The following GALNT13 variants were observed in gnomAD, a reference collection of about 807,000 sequenced individuals.
GALNT13 encodes UDP-GalNAc:polypeptide N-acetylgalactosaminyltransferase 13.
Under a neutral mutation model 64.2 loss-of-function variants are expected in GALNT13, and 28 were observed. That is an observed-to-expected ratio of 0.44 (90% CI 0.32 to 0.60). The LOEUF is 0.60. Ranked by LOEUF, GALNT13 falls within the 20% of genes least tolerant of loss-of-function variation. The probability of loss-of-function intolerance (pLI) is 0.05; values close to 1 mark genes in which losing one functional copy is unlikely to be tolerated. For missense variants in GALNT13, 577 were observed against 669.8 expected (o/e 0.86, Z 1.53); for synonymous variants, 214 against 224.6 (o/e 0.95, Z 0.42).
chr2:153,290,753 G>A, the GALNT13 span, among the ~76,000 whole-genome samples: 1 of 152,114 alleles, frequency 6.6e-6, no homozygotes. Flanking sequence ...ACCTTGCATG[G>A]AGTAGTGTTT....
chr2:154,125,335 A>G (rs1242587764), intron 3 of GALNT13, among the ~76,000 whole-genome samples: 1 of 152,166 alleles, frequency 6.6e-6, no homozygotes, highest in African/African-American at 2.4e-5. Context: ...CTAAGATGCA[A>G]GAAATAAAGG....
the GALNT13 span, among the ~76,000 whole-genome samples, chr2:153,659,022 G>T: frequency 6.6e-5 from 10 of 151,912 alleles, no homozygotes; most frequent in Admixed American, 1.3e-4. Context: ...TACACTATTT[G>T]TTTCTATAAA....
chr2:153,971,444 C>A (rs1205650103), intron 3 of GALNT13, among the ~76,000 whole-genome samples: 1 of 152,106 alleles, frequency 6.6e-6, no homozygotes, highest in Non-Finnish European at 1.5e-5. Context: ...GCGCTTGACA[C>A]ATCAGATATG....
chr2:153,462,367 T>C, the GALNT13 span, among the ~76,000 whole-genome samples: 1 of 152,294 alleles, frequency 6.6e-6, no homozygotes, highest in South Asian at 2.1e-4. Flanking sequence ...AGGCATTTTT[T>C]AAATAAAAAG....
intron 4 of GALNT13, among the ~76,000 whole-genome samples, chr2:154,202,908 G>T (rs1164902942): frequency 4.6e-5 from 7 of 152,076 alleles, no homozygotes; most frequent in East Asian, 3.9e-4. Flanking sequence ...CGCTGCAATA[G>T]GTCTGGGCTA....
At chr2:154,352,880 C>T (rs1465569858) in intron 9 of GALNT13, among the ~76,000 whole-genome samples, 1 of 152,146 alleles carries the variant, frequency 6.6e-6, no homozygotes, top group Non-Finnish European at 1.5e-5. Context: ...TAACTGGGAC[C>T]ATCTCCTTTT....
chr2:153,091,755 T>C, the GALNT13 span, among the ~76,000 whole-genome samples: 1 of 152,232 alleles, frequency 6.6e-6, no homozygotes, highest in Non-Finnish European at 1.5e-5. Context: ...CCTTGTCAGA[T>C]GGGTAGTTTG....
At chr2:153,776,556 A>T in the GALNT13 span, among the ~76,000 whole-genome samples, 2 of 152,240 alleles carry the variant, frequency 1.3e-5, no homozygotes, top group African/African-American at 4.8e-5. Context: ...AAGCATTAAC[A>T]TCCTGAAGAA....
chr2:154,151,349 A>C (rs1684009598), intron 4 of GALNT13, among the ~76,000 whole-genome samples: 1 of 152,126 alleles, frequency 6.6e-6, no homozygotes. Context: ...TTTACTTCCA[A>C]GTATGTGGTC....
At chr2:153,211,865 T>A in the GALNT13 span, among the ~76,000 whole-genome samples, 1 of 152,316 alleles carries the variant, frequency 6.6e-6, no homozygotes, top group East Asian at 1.9e-4. Flanking sequence ...CTCTTCTGAG[T>A]TAAACACCTT....
chr2:153,890,295 T>C (rs1001803146), intron 1 of GALNT13, among the ~76,000 whole-genome samples: 2 of 152,044 alleles, frequency 1.3e-5, no homozygotes, highest in African/African-American at 4.8e-5. Flanking sequence ...TATTATGTTA[T>C]TTATGGTTGT....
chr2:153,947,799 G>T (rs998540909), intron 3 of GALNT13, among the ~76,000 whole-genome samples: 1 of 151,940 alleles, frequency 6.6e-6, no homozygotes, highest in Admixed American at 6.6e-5. Context: ...GTCTTCCAGG[G>T]TTATTATAGT....
chr2:153,749,948 G>T, the GALNT13 span, among the ~76,000 whole-genome samples: 1 of 151,830 alleles, frequency 6.6e-6, no homozygotes, highest in African/African-American at 2.4e-5. Flanking sequence ...CATTTAGTAT[G>T]ATACTAGCTG....
At chr2:154,358,846 C>G (rs112496261) in intron 9 of GALNT13, among the ~76,000 whole-genome samples, 1 of 152,104 alleles carries the variant, frequency 6.6e-6, no homozygotes, top group African/African-American at 2.4e-5. Context: ...GACTTGCATT[C>G]ATAGTACTGT....
the GALNT13 span, among the ~76,000 whole-genome samples, chr2:153,150,812 G>C: frequency 1.3e-5 from 2 of 151,988 alleles, no homozygotes; most frequent in Non-Finnish European, 2.9e-5. Context: ...TGAGGGCTCT[G>C]TTCTGTTCCA....
At chr2:153,267,190 C>T in the GALNT13 span, among the ~76,000 whole-genome samples, 4 of 152,206 alleles carry the variant, frequency 2.6e-5, no homozygotes, top group South Asian at 2.1e-4. Context: ...GAGCTTTGCA[C>T]CTGTGGCTCT....
At chr2:153,421,143 G>T in the GALNT13 span, 1 of 250,400 alleles carries the variant, frequency 4.0e-6, no homozygotes, top group Admixed American at 4.5e-5. Context: ...GTGAGCACTG[G>T]TGACCTCTGC....
chr2:154,232,526 C>T (rs953377783), intron 4 of GALNT13, among the ~76,000 whole-genome samples: 8 of 152,064 alleles, frequency 5.3e-5, no homozygotes, highest in African/African-American at 1.7e-4. Context: ...ACAAAAATAA[C>T]GTACCATCTT....
At chr2:153,938,000 G>GT (rs1691071417) in intron 2 of GALNT13, among the ~76,000 whole-genome samples, 1 of 152,192 alleles carries the variant, frequency 6.6e-6, no homozygotes, top group Non-Finnish European at 1.5e-5. Flanking sequence ...TTAAGGGTGA[G>GT]TAGATGGATG....
Sources: allele counts gnomAD v4.1 joint callset (sites outside exome capture counted in the v4.1 genomes callset), GRCh38; gene constraint gnomAD v4.1.1; transcripts MANE v1.5; gene names NCBI Gene and HGNC (gene_info 2026-07-23, HGNC 2026-07-21).